Variants in ST6GALNAC3 observed in about 807,000 individuals in gnomAD.
ST6GALNAC3 encodes ST6 N-acetylgalactosaminide alpha-2,6-sialyltransferase 3, also known as alpha-N-acetylgalactosaminide alpha-2,6-sialyltransferase 3.
In ST6GALNAC3, 25 loss-of-function variants were observed where a neutral mutation model predicts 32.7. The ratio of observed to expected loss-of-function variants is 0.76; its 90% CI spans 0.56 to 1.07. ST6GALNAC3 has a LOEUF of 1.07. Ranked by LOEUF, ST6GALNAC3 falls within the 50% of genes least tolerant of loss-of-function variation. The pLI, the probability that ST6GALNAC3 is intolerant of heterozygous loss-of-function variation, is 0.00. For synonymous variants in ST6GALNAC3, 129 were observed against 133.1 expected (o/e 0.97, Z 0.21); for missense variants, 355 against 382.4 (o/e 0.93, Z 0.60).
intron 3 of ST6GALNAC3, among the ~76,000 whole-genome samples, chr1:76,435,949 GC>G (rs1656110835): frequency 6.6e-6 from 1 of 151,846 alleles, no homozygotes; most frequent in Non-Finnish European, 1.5e-5. Context: ...TGATCTGTGA[GC>G]TTTTGGTGCA....
intron 3 of ST6GALNAC3, among the ~76,000 whole-genome samples, chr1:76,619,017 C>T (rs1459141937): frequency 6.6e-6 from 1 of 152,056 alleles, no homozygotes; most frequent in African/African-American, 2.4e-5. Context: ...ACTGCATAGG[C>T]CATCTGTAGT....
chr1:76,329,800 A>C (rs954375962), intron 2 of ST6GALNAC3, among the ~76,000 whole-genome samples: 9 of 149,246 alleles, frequency 6.0e-5, no homozygotes, highest in Non-Finnish European at 1.2e-4. Flanking sequence ...CTCTCTCTTT[A>C]TTTATTTATT....
intron 3 of ST6GALNAC3, among the ~76,000 whole-genome samples, chr1:76,502,776 G>C (rs182516646): frequency 6.6e-6 from 1 of 152,272 alleles, no homozygotes; most frequent in East Asian, 1.9e-4. Context: ...AAGAAACCGG[G>C]TAGTAGAGAT....
At chr1:76,438,626 A>C (rs1656335838) in intron 3 of ST6GALNAC3, among the ~76,000 whole-genome samples, 1 of 152,126 alleles carries the variant, frequency 6.6e-6, no homozygotes, top group Non-Finnish European at 1.5e-5. Flanking sequence ...TAATATAAGA[A>C]CACTTTAAGC....
intron 1 of ST6GALNAC3, among the ~76,000 whole-genome samples, chr1:76,154,138 T>C (rs1651235202): frequency 6.6e-6 from 1 of 152,112 alleles, no homozygotes; most frequent in South Asian, 2.1e-4. Context: ...AATTTTCTCT[T>C]GCTTATGTGG....
At chr1:76,448,785 T>C (rs894647520) in intron 3 of ST6GALNAC3, among the ~76,000 whole-genome samples, 1 of 152,160 alleles carries the variant, frequency 6.6e-6, no homozygotes. Context: ...TCACCAGCCA[T>C]GTGGAACTCT....
chr1:76,310,303 C>T (rs961548317), intron 1 of ST6GALNAC3, among the ~76,000 whole-genome samples: 1 of 152,120 alleles, frequency 6.6e-6, no homozygotes, highest in African/African-American at 2.4e-5. Flanking sequence ...TAAACTGTTA[C>T]CTTGACACAT....
chr1:76,500,456 A>G (rs746418778), intron 3 of ST6GALNAC3, among the ~76,000 whole-genome samples: 94 of 152,214 alleles, frequency 6.2e-4, no homozygotes, highest in Admixed American at 3.1e-3. Flanking sequence ...GTAGGGCTGT[A>G]TGTTGGATCT....
At chr1:76,627,385 C>A in intron 3 of ST6GALNAC3, 67 bp from the exon 4 acceptor site, 1 of 1,026,136 alleles carries the variant, frequency 9.7e-7, no homozygotes, top group Non-Finnish European at 1.5e-6. Context: ...TCTCACACAC[C>A]TTATTGTTCT....
intron 3 of ST6GALNAC3, among the ~76,000 whole-genome samples, chr1:76,416,636 T>TG (rs1471161925): frequency 6.8e-6 from 1 of 146,598 alleles, no homozygotes; most frequent in African/African-American, 2.5e-5. Context: ...TGTTTTTTTT[T>TG]TTTTTTTTTG....
chr1:76,086,095 T>C (rs1163870776), intron 1 of ST6GALNAC3, among the ~76,000 whole-genome samples: 1 of 152,232 alleles, frequency 6.6e-6, no homozygotes, highest in Non-Finnish European at 1.5e-5. Flanking sequence ...TTTGTGATTA[T>C]TTCTAAACCA....
intron 1 of ST6GALNAC3, among the ~76,000 whole-genome samples, chr1:76,247,150 T>G (rs1463430096): frequency 2.0e-5 from 3 of 152,174 alleles, no homozygotes; most frequent in Non-Finnish European, 4.4e-5. Flanking sequence ...CAGCAAAGAT[T>G]GCTTCTTACT....
intron 3 of ST6GALNAC3, among the ~76,000 whole-genome samples, chr1:76,545,240 C>G (rs1020279360): frequency 6.6e-6 from 1 of 152,170 alleles, no homozygotes; most frequent in Non-Finnish European, 1.5e-5. Context: ...TTATGACATC[C>G]GTTCTGTCCT....
At chr1:76,372,783 G>C (rs1650928914) in intron 2 of ST6GALNAC3, among the ~76,000 whole-genome samples, 1 of 151,942 alleles carries the variant, frequency 6.6e-6, no homozygotes. Flanking sequence ...TCTGAAATGG[G>C]AATAGTATCA....
chr1:76,219,976 C>T (rs909331469), intron 1 of ST6GALNAC3, among the ~76,000 whole-genome samples: 2 of 152,090 alleles, frequency 1.3e-5, no homozygotes, highest in Non-Finnish European at 2.9e-5. Context: ...AGAGGGTACA[C>T]AGTGGTGAAT....
At chr1:76,604,871 G>A (rs1647421408) in intron 3 of ST6GALNAC3, among the ~76,000 whole-genome samples, 1 of 152,054 alleles carries the variant, frequency 6.6e-6, no homozygotes, top group African/African-American at 2.4e-5. Flanking sequence ...CCATTTTTCA[G>A]GAGTGTTCCT....
chr1:76,180,046 T>C (rs1354627972), intron 1 of ST6GALNAC3, among the ~76,000 whole-genome samples: 2 of 152,232 alleles, frequency 1.3e-5, no homozygotes, highest in African/African-American at 4.8e-5. Context: ...ATTTATTTTA[T>C]TGGTTTATTA....
chr1:76,512,045 A>G (rs576220014), intron 3 of ST6GALNAC3, among the ~76,000 whole-genome samples: 204 of 152,314 alleles, frequency 1.3e-3, no homozygotes, highest in Middle Eastern at 3.4e-3. Context: ...TCTAAAGGTC[A>G]GAGACTGTAT....
chr1:76,457,581 A>T (rs1055745156), intron 3 of ST6GALNAC3, among the ~76,000 whole-genome samples: 1 of 151,634 alleles, frequency 6.6e-6, no homozygotes, highest in Non-Finnish European at 1.5e-5. Context: ...ATAATGCCGC[A>T]TATCTACAAC....
Sources: allele counts gnomAD v4.1 joint callset (sites outside exome capture counted in the v4.1 genomes callset), GRCh38; gene constraint gnomAD v4.1.1; transcripts MANE v1.5; gene names NCBI Gene and HGNC (gene_info 2026-07-23, HGNC 2026-07-21).